Variants in AUTS2 observed in about 807,000 individuals in gnomAD.
The protein encoded by AUTS2 is activator of transcription and developmental regulator AUTS2, also known as autism susceptibility gene 2 protein.
A neutral mutation model predicts 112.4 loss-of-function variants in AUTS2; 17 were observed. The observed-to-expected ratio is 0.15, with a 90% CI of 0.10 to 0.23. AUTS2 has a LOEUF of 0.23. Among genes scored for constraint, AUTS2 ranks in the 10% least tolerant of loss-of-function variants. The pLI is 1.00. For missense variants in AUTS2, 1,510 were observed against 1,701.6 expected, an observed-to-expected ratio of 0.89 and a Z score of 1.98; for synonymous variants, 751 against 702.7, an observed-to-expected ratio of 1.07 and a Z score of -1.09.
At chr7:70,265,266 T>C (rs1032484002) in intron 4 of AUTS2, among the ~76,000 whole-genome samples, 2 of 152,246 alleles carry the variant, frequency 1.3e-5, no homozygotes, top group South Asian at 4.1e-4. Flanking sequence ...CAGCCACAGT[T>C]GGCAAAAGAT....
At chr7:70,586,769 AC>A (rs1338976593) in intron 5 of AUTS2, among the ~76,000 whole-genome samples, 1 of 152,192 alleles carries the variant, frequency 6.6e-6, no homozygotes, top group Non-Finnish European at 1.5e-5. Context: ...TTGCAGGTTA[AC>A]ATTTACTGTT....
intron 4 of AUTS2, among the ~76,000 whole-genome samples, chr7:70,232,604 C>T (rs1812115669): frequency 6.6e-6 from 1 of 152,118 alleles, no homozygotes; most frequent in South Asian, 2.1e-4. Context: ...GTCTTGAACT[C>T]CTGACCTCAG....
At chr7:70,371,407 C>T (rs751295272) in intron 4 of AUTS2, among the ~76,000 whole-genome samples, 1 of 152,148 alleles carries the variant, frequency 6.6e-6, no homozygotes, top group Non-Finnish European at 1.5e-5. Context: ...TTTATTTTGA[C>T]CTGTAAGCTT....
At chr7:70,710,838 C>T (rs1026856446) in intron 6 of AUTS2, among the ~76,000 whole-genome samples, 1 of 152,210 alleles carries the variant, frequency 6.6e-6, no homozygotes, top group Non-Finnish European at 1.5e-5. Context: ...GAGCAGTGTG[C>T]TCTGGTGGAA....
chr7:69,708,858 A>G (rs1798180119), intron 1 of AUTS2, among the ~76,000 whole-genome samples: 1 of 152,202 alleles, frequency 6.6e-6, no homozygotes, highest in Admixed American at 6.5e-5. Context: ...TCTCTGATAC[A>G]CAACCAGTCC....
intron 2 of AUTS2, among the ~76,000 whole-genome samples, chr7:69,917,279 CT>C (rs1169341162): frequency 3.6e-5 from 5 of 139,176 alleles, no homozygotes; most frequent in South Asian, 4.7e-4. Flanking sequence ...AGAGCATTCC[CT>C]TTTTTTTTCT....
intron 4 of AUTS2, among the ~76,000 whole-genome samples, chr7:70,257,259 G>A (rs1786925504): frequency 6.6e-6 from 1 of 152,058 alleles, no homozygotes. Flanking sequence ...TGCCACTTCA[G>A]CCTCTCAAGT....
intron 4 of AUTS2, among the ~76,000 whole-genome samples, chr7:70,222,031 C>T (rs184010334): frequency 1.3e-5 from 2 of 152,150 alleles, no homozygotes; most frequent in African/African-American, 4.8e-5. Context: ...TTAAGGAAAA[C>T]ATAAAATACA....
intron 5 of AUTS2, among the ~76,000 whole-genome samples, chr7:70,457,288 A>G (rs1796779622): frequency 6.6e-6 from 1 of 152,140 alleles, no homozygotes; most frequent in Non-Finnish European, 1.5e-5. Flanking sequence ...GGAATGGTTT[A>G]ATTAGGTGTG....
chr7:70,363,394 T>C (rs1792370036), intron 4 of AUTS2, among the ~76,000 whole-genome samples: 1 of 142,796 alleles, frequency 7.0e-6, no homozygotes, highest in South Asian at 2.1e-4. Context: ...GCATGGCACA[T>C]GTATACATAT....
intron 1 of AUTS2, among the ~76,000 whole-genome samples, chr7:69,619,695 C>G (rs1793566121): frequency 6.6e-6 from 1 of 152,216 alleles, no homozygotes; most frequent in African/African-American, 2.4e-5. Context: ...CCCACTCATT[C>G]ATTCAACAAA....
At chr7:70,362,345 C>T (rs1476233850) in intron 4 of AUTS2, among the ~76,000 whole-genome samples, 1 of 151,910 alleles carries the variant, frequency 6.6e-6, no homozygotes, top group Non-Finnish European at 1.5e-5. Context: ...TCTCACTTCA[C>T]TCCCTTTCCA....
chr7:70,340,594 G>A (rs561955112), intron 4 of AUTS2, among the ~76,000 whole-genome samples: 34 of 152,180 alleles, frequency 2.2e-4, no homozygotes, highest in African/African-American at 8.2e-4. Flanking sequence ...TGCTGGGGAC[G>A]GTTAGTTCAG....
intron 4 of AUTS2, among the ~76,000 whole-genome samples, chr7:70,300,893 G>A (rs969129344): frequency 6.6e-6 from 1 of 152,156 alleles, no homozygotes; most frequent in African/African-American, 2.4e-5. Flanking sequence ...TGCATAGATT[G>A]TAAGGGCACA....
At chr7:70,658,647 G>A (rs1241652663) in intron 5 of AUTS2, among the ~76,000 whole-genome samples, 3 of 152,254 alleles carry the variant, frequency 2.0e-5, no homozygotes, top group East Asian at 3.9e-4. Flanking sequence ...GATGTCTTAG[G>A]GCCAACACAA....
intron 1 of AUTS2, among the ~76,000 whole-genome samples, chr7:69,781,746 C>G (rs888063670): frequency 6.6e-6 from 1 of 152,148 alleles, no homozygotes; most frequent in Non-Finnish European, 1.5e-5. Context: ...TCTCCTTTCC[C>G]TTCCCACTTG....
At chr7:69,936,012 A>T (rs112609040) in intron 2 of AUTS2, among the ~76,000 whole-genome samples, 149 of 152,326 alleles carry the variant, frequency 9.8e-4, no homozygotes, top group Non-Finnish European at 1.9e-3. Flanking sequence ...TGCGGCAGGG[A>T]ATAATATAAC....
At chr7:70,385,390 T>G (rs1793564514) in intron 4 of AUTS2, among the ~76,000 whole-genome samples, 1 of 152,226 alleles carries the variant, frequency 6.6e-6, no homozygotes, top group South Asian at 2.1e-4. Flanking sequence ...TCAGTATGAC[T>G]TGCCAATTAA....
chr7:70,019,755 A>G (rs1199291985), intron 2 of AUTS2, among the ~76,000 whole-genome samples: 1 of 152,236 alleles, frequency 6.6e-6, no homozygotes, highest in African/African-American at 2.4e-5. Context: ...CTGGGCATAT[A>G]TGAATGTTCA....
Sources: gnomAD v4.1 joint callset for allele counts (sites outside exome capture counted in the v4.1 genomes callset) on GRCh38, gnomAD v4.1.1 for gene constraint, MANE v1.5 for transcripts, NCBI Gene and HGNC (gene_info 2026-07-23, HGNC 2026-07-21) for gene names.